The following SPDYE3 variants were observed in gnomAD, a reference collection of about 807,000 sequenced individuals.
The protein encoded by SPDYE3 is speedy/RINGO cell cycle regulator family member E3.
Under a neutral mutation model 55.0 loss-of-function variants are expected in SPDYE3, and 15 were observed. The ratio of observed to expected loss-of-function variants is 0.27; its 90% CI spans 0.18 to 0.42. The LOEUF is 0.42. Among genes scored for constraint, SPDYE3 ranks in the 10% least tolerant of loss-of-function variants. The pLI is 1.00. For synonymous variants in SPDYE3, 89 were observed against 229.9 expected, an observed-to-expected ratio of 0.39 and a Z score of 5.55; for missense variants, 236 against 576.7, an observed-to-expected ratio of 0.41 and a Z score of 6.05.
At chr7:100,318,642 A>G (rs1789502162) in intron 8 of SPDYE3, among the ~76,000 whole-genome samples, 1 of 151,816 alleles carries the variant, frequency 6.6e-6, no homozygotes, top group Non-Finnish European at 1.5e-5. Context: ...GGATTAGGTC[A>G]TCTCCCCTGA....
chr7:100,313,068 T>A (rs1423598947), intron 4 of SPDYE3, 72 bp from the exon 5 acceptor site: 2 of 542,642 alleles, frequency 3.7e-6, no homozygotes, highest in Admixed American at 6.5e-5. Context: ...GAGAGTGGTT[T>A]GGGGTTTGGG....
Position 100,308,117 on chromosome 7 carries a change from G to A in SPDYE3, c.106+126G>A. On this transcript the variant is annotated intron_variant, in intron 1 of 10. Transcript: ENST00000332397. ...GGCCGAGGCGGGCAGATCACCTGAG[G>A]TCAGCAGTTCAAGACCAGCCTGGCC... The A allele has an allele frequency of 2.3e-6, 3 of 1,281,704 alleles. No individual in the cohort carries two copies. The East Asian group carries it at 1.0e-4, about 44-fold the overall frequency. The allele number at this position is 1,281,704 out of a possible 1,614,324, so 79.4% of individuals were successfully genotyped here.
Position 100,321,778 on chromosome 7 carries a change from G to A in SPDYE3, c.*933G>A, listed in dbSNP as rs767599978. Reference sequence around the variant, plus strand: ...ACTATCTATTTTATTGATTTATTTCGAAAAAGATGGGCAAAGAATTATTTA... The same window carrying A: ...ACTATCTATTTTATTGATTTATTTCAAAAAAGATGGGCAAAGAATTATTTA... On this transcript the variant is annotated 3_prime_UTR_variant, in exon 11 of 11. Coordinates refer to ENST00000332397, the MANE Select transcript of SPDYE3 (RefSeq NM_001004351.5). 1.3e-3 allele frequency: 196 copies of A among 148,130 alleles called. No homozygotes were observed. The highest frequency in any genetic ancestry group is 1.9e-3 in the Non-Finnish European group (129 of 67,144). 9.2% of individuals were successfully genotyped at this position (148,130 alleles called of 1,614,324 possible). A position where few individuals can be genotyped will look rare whatever the true frequency, so the allele number is the denominator to read the frequency against.
rs1156553839 is a variant in SPDYE3 at position 100,321,922 on chromosome 7, T to TA, written c.*1078dup. On this transcript the variant is annotated 3_prime_UTR_variant, in exon 11 of 11. Transcript: ENST00000332397. ...AATATTATTTTAAATATTTTGGAAA[T>TA]ACTGGTATTTTTGAATAGATGCTGT... 6.7e-6 allele frequency: 1 copy of TA among 150,008 alleles called. No homozygotes were observed. The highest frequency in any genetic ancestry group is 2.4e-5 in the African/African-American group (1 of 41,124). The allele number at this position is 150,008 out of a possible 1,614,324, so 9.3% of individuals were successfully genotyped here.
At chr7:100,308,636 G>C (rs956707984) in intron 1 of SPDYE3, among the ~76,000 whole-genome samples, 4 of 152,018 alleles carry the variant, frequency 2.6e-5, no homozygotes, top group Non-Finnish European at 2.9e-5. Context: ...TGGAATCCGG[G>C]AGATGGATGT....
intron 6 of SPDYE3, among the ~76,000 whole-genome samples, chr7:100,315,370 A>G (rs1205901409): frequency 6.6e-6 from 1 of 152,222 alleles, no homozygotes; most frequent in African/African-American, 2.4e-5. Flanking sequence ...GCCCTCTGAA[A>G]CTTAATGTTT....
rs759969100 is a variant in SPDYE3, at chr7:100,319,739, G to A, written c.1521G>A (p.Gln507=). 1.9e-6 allele frequency: 3 copies of A among 1,614,194 alleles called. No homozygotes were observed. The highest frequency in any genetic ancestry group is 2.5e-6 in the Non-Finnish European group (3 of 1,180,036). ...RKNCSQIALF[Q]KRRFQFFCSM... ...ACTGCTCTCAGATAGCCTTGTTCCA[G>A]AAGCGTCGGTTCCAGTTCTTCTGTT... Residue 507 remains glutamine (Q), a synonymous_variant, in exon 9 of 11, where the codon CAG becomes CAA. Coordinates refer to ENST00000332397, the MANE Select transcript of SPDYE3 (RefSeq NM_001004351.5).
At chr7:100,319,163 A>G (rs901474736) in intron 8 of SPDYE3, among the ~76,000 whole-genome samples, 9 of 152,178 alleles carry the variant, frequency 5.9e-5, no homozygotes, top group Admixed American at 5.9e-4. Flanking sequence ...CACCTGCTTC[A>G]GCCTTCCAAA....
rs1806126371 is a variant in SPDYE3, at chr7:100,317,292, A to G, written c.1346+137A>G. The stretch of plus-strand genomic sequence containing the variant: ...TGTACAAAAAAGACAGGATTATAGT[A>G]TCTTAGACTGTTGTCTCTAAAAAGA... On this transcript the variant is annotated intron_variant, in intron 8 of 10. Transcript: ENST00000332397. The G allele has an allele frequency of 2.7e-6, 4 of 1,480,060 alleles. No homozygotes were observed. The African/African-American group carries it at 5.6e-5, about 21-fold the overall frequency. The allele number at this position is 1,480,060 out of a possible 1,614,324, so 91.7% of individuals were successfully genotyped here. A position where few individuals can be genotyped will look rare whatever the true frequency, so the allele number is the denominator to read the frequency against.
intron 7 of SPDYE3, among the ~76,000 whole-genome samples, chr7:100,316,748 T>C (rs1406902070): frequency 6.6e-6 from 1 of 151,992 alleles, no homozygotes; most frequent in Non-Finnish European, 1.5e-5. Flanking sequence ...CCCTCTACTC[T>C]CAGCTCCTTG....
At chr7:100,315,316 C>G (rs3873740) in intron 6 of SPDYE3, among the ~76,000 whole-genome samples, 2 of 152,180 alleles carry the variant, frequency 1.3e-5, no homozygotes, top group East Asian at 3.9e-4. Context: ...AAAAATCAAA[C>G]AAAGAAAAAC....
chr7:100,318,424 G>A (rs1789492351), intron 8 of SPDYE3, among the ~76,000 whole-genome samples: 1 of 152,028 alleles, frequency 6.6e-6, no homozygotes, highest in African/African-American at 2.4e-5. Flanking sequence ...GTGTTTCCTG[G>A]CTTGGCTTCA....
intron 10 of SPDYE3, 71 bp from the exon 11 acceptor site, chr7:100,320,820 T>C (rs1394893305): frequency 3.4e-5 from 38 of 1,113,108 alleles, no homozygotes; most frequent in Non-Finnish European, 4.2e-5. Context: ...AGACTTGACA[T>C]GGGACGTGAA....
intron 8 of SPDYE3, 116 bp downstream of exon 8, chr7:100,317,271 C>T: frequency 7.2e-7 from 1 of 1,386,212 alleles, no homozygotes; most frequent in East Asian, 2.3e-5. Flanking sequence ...ACTCTGTGTA[C>T]AAAAAAGACA....
At chr7:100,312,853 G>A (rs1215400528) in intron 4 of SPDYE3, among the ~76,000 whole-genome samples, 1 of 145,832 alleles carries the variant, frequency 6.9e-6, no homozygotes. Context: ...TCCAGCCTGG[G>A]TGACAAAGCA....
chr7:100,307,772 C>T lies in SPDYE3; in HGVS notation c.-114C>T. The T allele has an allele frequency of 7.0e-7, 1 of 1,430,478 alleles. No homozygotes were observed. Among genetic ancestry groups the T allele is most frequent in the Non-Finnish European group, 9.2e-7 (1 of 1,083,318 alleles). 88.6% of individuals were successfully genotyped at this position (1,430,478 alleles called of 1,614,324 possible). A position where few individuals can be genotyped will look rare whatever the true frequency, so the allele number is the denominator to read the frequency against. ...GAGCTGTTCTCCACTCCTGACTTCT[C>T]CCAGCCTCGAGAATTGATAACACAC... On this transcript the variant is annotated 5_prime_UTR_variant, in exon 1 of 11. Transcript: ENST00000332397.
chr7:100,318,142 C>T (rs1014656625), intron 8 of SPDYE3, among the ~76,000 whole-genome samples: 2 of 152,154 alleles, frequency 1.3e-5, no homozygotes, highest in Admixed American at 6.6e-5. Flanking sequence ...AGCCACCAAC[C>T]TCCTCTGGGT....
chr7:100,308,005 A>T lies in SPDYE3; in HGVS notation c.106+14A>T. 3 of 1,539,578 alleles carry T rather than the reference A, an allele frequency of 1.9e-6. No individual in the cohort carries two copies. The highest frequency in any genetic ancestry group is 2.6e-6 in the Non-Finnish European group (3 of 1,149,172). On this transcript the variant is annotated intron_variant, in intron 1 of 10. Transcript: ENST00000332397. Reference sequence around the variant, plus strand: ...CGGGACCATCAGGTGAGGGGACTGGAGGAAGAAGAGGTGGCATAGGATTGA... The same window carrying T: ...CGGGACCATCAGGTGAGGGGACTGGTGGAAGAAGAGGTGGCATAGGATTGA...
At position 100,319,968 on chromosome 7, in the gene SPDYE3, G is replaced by A. The variant is rs755553640; in HGVS notation, c.1628G>A (p.Arg543Gln). The A allele has an allele frequency of 8.7e-6, 14 of 1,609,020 alleles. No homozygotes were observed. The highest frequency in any genetic ancestry group is 3.3e-5 in the South Asian group (3 of 91,004). The change falls in exon 10 of 11, where the codon CGA becomes CAA. Residue 543 changes from arginine (R) to glutamine (Q), a missense_variant. Coordinates refer to ENST00000332397, the MANE Select transcript of SPDYE3 (RefSeq NM_001004351.5). ...GACCCAGAGCACTGGGTGTGGGCGC[G>A]AGATCGCGCCCACCTTTCCTAGAGC... ...AYDPEHWVWA[R>Q]DRAHLS is the part of the protein sequence containing the mutation.
Sources: gnomAD v4.1 joint callset for allele counts (sites outside exome capture counted in the v4.1 genomes callset) on GRCh38, gnomAD v4.1.1 for gene constraint, MANE v1.5 for transcripts, NCBI Gene and HGNC (gene_info 2026-07-23, HGNC 2026-07-21) for gene names.